The following LMNTD1 variants were observed in gnomAD, a reference collection of about 807,000 sequenced individuals.
LMNTD1 encodes lamin tail domain-containing protein 1.
Under a neutral mutation model 50.9 loss-of-function variants are expected in LMNTD1, and 35 were observed. The observed-to-expected ratio is 0.69, with a 90% CI of 0.53 to 0.91. The LOEUF is 0.91. LMNTD1 is among the 40% of genes least tolerant of loss of function. The pLI is 0.00. For synonymous variants in LMNTD1, 153 were observed against 161.9 expected (o/e 0.94, Z 0.42); for missense variants, 470 against 475.5 (o/e 0.99, Z 0.11).
upstream of LMNTD1, among the ~76,000 whole-genome samples, chr12:25,556,111 T>C (rs1053896436): frequency 6.6e-6 from 1 of 151,912 alleles, no homozygotes; most frequent in Non-Finnish European, 1.5e-5. Context: ...TAGCTAGGAC[T>C]ACAGGCATGT....
intron 1 of LMNTD1, among the ~76,000 whole-genome samples, chr12:25,583,772 G>A (rs1945407314): frequency 1.3e-5 from 2 of 152,192 alleles, no homozygotes; most frequent in Admixed American, 1.3e-4. Flanking sequence ...GATAAGAAAT[G>A]AGTGAGAGGC....
chr12:25,596,932 C>CTT (rs35736159), intron 1 of LMNTD1, among the ~76,000 whole-genome samples: 138,981 of 151,930 alleles, frequency 0.91, 64,809 homozygotes, highest in East Asian at 1. Context: ...GGCACAGAGT[C>CTT]TATTAGTTTT....
intron 1 of LMNTD1, among the ~76,000 whole-genome samples, chr12:25,605,195 G>GT (rs941808687): frequency 1.3e-5 from 2 of 151,662 alleles, no homozygotes; most frequent in African/African-American, 4.8e-5. Flanking sequence ...TGATGGGGTT[G>GT]TTTTTTTCTT....
At chr12:25,488,216 C>A (rs1219037118) in intron 9 of LMNTD1, among the ~76,000 whole-genome samples, 1 of 136,862 alleles carries the variant, frequency 7.3e-6, no homozygotes, top group Admixed American at 7.6e-5. Context: ...TGGATAATAT[C>A]CTGCAGAGTG....
At chr12:25,612,328 A>ACACG (rs34069424) in intron 1 of LMNTD1, among the ~76,000 whole-genome samples, 9,582 of 146,418 alleles carry the variant, frequency 0.065, 403 homozygotes, top group South Asian at 0.083. Flanking sequence ...ACACACACAC[A>ACACG]CGCGCTCCCA....
At chr12:25,549,634 AGAATTC>A in intron 2 of LMNTD1, 88 bp from the exon 3 acceptor site, 1 of 659,990 alleles carries the variant, frequency 1.5e-6, no homozygotes, top group Non-Finnish European at 2.4e-6. Context: ...ATTATTACCC[AGAATTC>A]TGCTTTTCAA....
At chr12:25,559,197 G>T (rs1051662969) in intron 1 of LMNTD1, among the ~76,000 whole-genome samples, 1 of 151,554 alleles carries the variant, frequency 6.6e-6, no homozygotes. Context: ...CCTCCCCCCT[G>T]CCCCCACCCC....
rs190605249 is a variant in LMNTD1 at position 25,489,617 on chromosome 12, C to T, written c.*23-13157G>A. The stretch of plus-strand genomic sequence containing the variant: ...GTCGCTCACGCTGGGAGCTGTAGAC[C>T]GGAGCTGTTCCTATTCGGCCATCTT... On this transcript the variant is annotated intron_variant, in intron 9 of 9. Transcript: ENST00000458174. Among the ~76,000 whole-genome samples, 18 of 151,786 alleles carry T rather than the reference C, an allele frequency of 1.2e-4. No individual in the cohort carries two copies. In the East Asian group the frequency reaches 1.4e-3, roughly 11 times the overall value.
At chr12:25,584,718 A>G (rs916108551) in intron 1 of LMNTD1, among the ~76,000 whole-genome samples, 11 of 152,234 alleles carry the variant, frequency 7.2e-5, no homozygotes, top group Admixed American at 7.2e-4. Flanking sequence ...TTGGAGACTT[A>G]AGGAACATAA....
At chr12:25,547,184 TC>T in intron 3 of LMNTD1, 1 of 919,630 alleles carries the variant, frequency 1.1e-6, no homozygotes, top group Non-Finnish European at 1.3e-6. Context: ...AAAGAGCCAT[TC>T]TGGACAAATC....
At chr12:25,500,416 C>T (rs1338845377) in intron 9 of LMNTD1, among the ~76,000 whole-genome samples, 1 of 152,122 alleles carries the variant, frequency 6.6e-6, no homozygotes, top group Non-Finnish European at 1.5e-5. Context: ...TTGGACTGTC[C>T]AGTTTAGACC....
intron 9 of LMNTD1, among the ~76,000 whole-genome samples, chr12:25,488,102 T>A (rs1043834162): frequency 8.1e-5 from 12 of 148,234 alleles, no homozygotes; most frequent in African/African-American, 2.7e-4. Flanking sequence ...AATCTGACAA[T>A]TGTGTGTCTT....
chr12:25,487,221 G>A (rs1364637687), intron 9 of LMNTD1, among the ~76,000 whole-genome samples: 2 of 123,986 alleles, frequency 1.6e-5, no homozygotes, highest in Admixed American at 8.8e-5. Flanking sequence ...TCTGTCTAAT[G>A]TTGACAGTGG....
intron 2 of LMNTD1, 110 bp from the exon 3 acceptor site, chr12:25,549,656 A>C: frequency 1.9e-6 from 1 of 515,708 alleles, no homozygotes; most frequent in South Asian, 4.3e-5. Flanking sequence ...TTCAAAGGTA[A>C]TATGCATCCA....
At chr12:25,482,090 G>A (rs1938465284) in intron 9 of LMNTD1, among the ~76,000 whole-genome samples, 3 of 151,802 alleles carry the variant, frequency 2.0e-5, no homozygotes, top group African/African-American at 7.3e-5. Context: ...TAAGTATGAG[G>A]ATAAAATGGA....
chr12:25,587,919 A>C lies in LMNTD1; in HGVS notation c.59-41365T>G, dbSNP rs2136455965. On this transcript the variant is annotated intron_variant, in intron 1 of 7. Transcript: ENST00000445693. ...AAAAAAATTAACTCACTTATGTATA[A>C]TTGGCAACATCCTTGGGCCCTAATT... 1.3e-5 allele frequency among the ~76,000 whole-genome samples: 2 copies of C among 152,280 alleles called. 1 individual carries two copies.
At chr12:25,523,265 C>T (rs1185798852) in intron 6 of LMNTD1, among the ~76,000 whole-genome samples, 1 of 152,162 alleles carries the variant, frequency 6.6e-6, no homozygotes, top group African/African-American at 2.4e-5. Flanking sequence ...AACTCCTGAC[C>T]TTGTGATCCG....
At chr12:25,647,724 T>G (rs1297709068) in intron 1 of LMNTD1, among the ~76,000 whole-genome samples, 1 of 152,202 alleles carries the variant, frequency 6.6e-6, no homozygotes. Context: ...CTCAGTACTA[T>G]ACATAAAAAA....
At chr12:25,594,051 C>A (rs1289498033) in intron 1 of LMNTD1, among the ~76,000 whole-genome samples, 1 of 152,118 alleles carries the variant, frequency 6.6e-6, no homozygotes, top group Non-Finnish European at 1.5e-5. Flanking sequence ...TGAACAAAGC[C>A]TCCAAGAAGT....
Sources: gnomAD v4.1 joint callset for allele counts (sites outside exome capture counted in the v4.1 genomes callset) on GRCh38, gnomAD v4.1.1 for gene constraint, MANE v1.5 for transcripts, NCBI Gene and HGNC (gene_info 2026-07-23, HGNC 2026-07-21) for gene names.